Variants in FCHSD2 observed in about 807,000 individuals in gnomAD.
The protein encoded by FCHSD2 is F-BAR and double SH3 domains protein 2.
Under a neutral mutation model 108.1 loss-of-function variants are expected in FCHSD2, and 38 were observed. That is an observed-to-expected ratio of 0.35 (90% CI 0.27 to 0.46). FCHSD2 has a LOEUF of 0.46. FCHSD2 is among the 20% of genes least tolerant of loss of function. FCHSD2 has a pLI of 1.00. For missense variants in FCHSD2, 751 were observed against 897.8 expected, an observed-to-expected ratio of 0.84 and a Z score of 2.09; for synonymous variants, 279 against 314.7, an observed-to-expected ratio of 0.89 and a Z score of 1.20.
At chr11:72,944,685 A>G in intron 8 of FCHSD2, among the ~76,000 whole-genome samples, 1 of 152,224 alleles carries the variant, frequency 6.6e-6, no homozygotes. Flanking sequence ...TTAAGCTGAT[A>G]GGCAACTTCA....
chr11:72,951,579 T>C (rs1357496286), intron 8 of FCHSD2, among the ~76,000 whole-genome samples: 1 of 152,180 alleles, frequency 6.6e-6, no homozygotes, highest in Non-Finnish European at 1.5e-5. Context: ...CATATAGTGC[T>C]TGCCTTTGCT....
Position 72,881,157 on chromosome 11 carries a change from C to T in FCHSD2, c.1146+6313G>A, listed in dbSNP as rs574497396. On this transcript the variant is annotated intron_variant, in intron 12 of 19. Transcript: ENST00000409418. ...AAGGGACTAATATACGGAATATACA[C>T]GGAACTCAAACAACTCAATAGCAAA... is the stretch of plus-strand genomic sequence containing the variant. Among the ~76,000 whole-genome samples, 14 of 152,224 alleles carry T rather than the reference C, an allele frequency of 9.2e-5. No individual in the cohort carries two copies. In the South Asian group the frequency reaches 2.7e-3, roughly 29 times the overall value.
Position 72,838,604 on chromosome 11 carries a change from C to CAA in FCHSD2, c.*185_*186dup, listed in dbSNP as rs113447165. ...GGAGAAATGACATAGAAAATGACAA[C>CAA]AAAAAAAAAAGGCACGAAATATTCA... On this transcript the variant is annotated 3_prime_UTR_variant, in exon 20 of 20. Coordinates refer to ENST00000409418, the MANE Select transcript of FCHSD2 (RefSeq NM_014824.3). The CAA allele has an allele frequency of 8.1e-5, 39 of 482,092 alleles. No individual in the cohort carries two copies. Among genetic ancestry groups the CAA allele is most frequent in the African/African-American group, 3.3e-4 (16 of 48,702 alleles). The allele number at this position is 482,092 out of a possible 1,614,324, so 29.9% of individuals were successfully genotyped here. A position where few individuals can be genotyped will look rare whatever the true frequency, so the allele number is the denominator to read the frequency against.
At chr11:73,115,616 T>G (rs547483419) in intron 2 of FCHSD2, among the ~76,000 whole-genome samples, 6 of 152,342 alleles carry the variant, frequency 3.9e-5, no homozygotes, top group Admixed American at 2.6e-4. Flanking sequence ...AGAAGGCAGA[T>G]AGCTAGACAC....
At chr11:73,084,347 T>C (rs1859765206) in intron 2 of FCHSD2, among the ~76,000 whole-genome samples, 1 of 152,196 alleles carries the variant, frequency 6.6e-6, no homozygotes, top group South Asian at 2.1e-4. Flanking sequence ...ACACTTTCCA[T>C]ACATGTATTA....
chr11:72,969,308 T>C (rs1856967793), intron 8 of FCHSD2, among the ~76,000 whole-genome samples: 1 of 152,232 alleles, frequency 6.6e-6, no homozygotes, highest in African/African-American at 2.4e-5. Context: ...TTCATTTAAT[T>C]TAATTTGGCT....
chr11:73,138,899 C>T (rs913975714), intron 2 of FCHSD2, among the ~76,000 whole-genome samples: 4 of 152,258 alleles, frequency 2.6e-5, no homozygotes, highest in South Asian at 2.1e-4. Context: ...TCAGTGACTG[C>T]GCACGGCCTC....
At chr11:72,893,474 G>A (rs183129175) in intron 10 of FCHSD2, among the ~76,000 whole-genome samples, 39 of 151,880 alleles carry the variant, frequency 2.6e-4, no homozygotes, top group African/African-American at 7.7e-4. Context: ...GCCATCACAC[G>A]CAGATAATTT....
chr11:72,981,638 CTGTTGGTCCTTGTAAG>C (rs1857217610), intron 8 of FCHSD2, among the ~76,000 whole-genome samples: 1 of 152,132 alleles, frequency 6.6e-6, no homozygotes, highest in Admixed American at 6.5e-5. Flanking sequence ...TTCTTTGAAA[CTGTTGGTCCTTGTAAG>C]TCTGAAGCAC....
chr11:72,919,155 T>G (rs1324471475), intron 9 of FCHSD2, among the ~76,000 whole-genome samples: 1 of 152,136 alleles, frequency 6.6e-6, no homozygotes, highest in Admixed American at 6.5e-5. Flanking sequence ...CAAACTTCCC[T>G]TTAGGTTGCT....
intron 5 of FCHSD2, among the ~76,000 whole-genome samples, chr11:72,993,393 G>C (rs1857456914): frequency 6.6e-6 from 1 of 152,124 alleles, no homozygotes; most frequent in South Asian, 2.1e-4. Context: ...ATTTGACCCA[G>C]CCATCCCATT....
chr11:73,088,982 A>G (rs1326972172), intron 2 of FCHSD2, among the ~76,000 whole-genome samples: 1 of 152,232 alleles, frequency 6.6e-6, no homozygotes, highest in African/African-American at 2.4e-5. Flanking sequence ...CTTGATGTGC[A>G]TATCAACTAA....
chr11:73,141,836 G>A (rs1231184438), intron 1 of FCHSD2, 21 bp downstream of exon 1: 56 of 1,542,596 alleles, frequency 3.6e-5, no homozygotes, highest in Non-Finnish European at 4.8e-5. Flanking sequence ...GAACCCCAAA[G>A]CCCCCCAGCT....
intron 3 of FCHSD2, among the ~76,000 whole-genome samples, chr11:73,016,340 C>T (rs1227618683): frequency 6.6e-6 from 1 of 151,114 alleles, no homozygotes; most frequent in Non-Finnish European, 1.5e-5. Context: ...AACCAACCAA[C>T]CAACCAACCA....
chr11:73,061,289 C>T (rs556281855), intron 3 of FCHSD2, among the ~76,000 whole-genome samples: 1 of 152,322 alleles, frequency 6.6e-6, no homozygotes, highest in South Asian at 2.1e-4. Context: ...CTGTGCTTGT[C>T]GCATGGTTTT....
At chr11:73,012,088 T>C (rs1565367346) in intron 4 of FCHSD2, among the ~76,000 whole-genome samples, 2 of 152,202 alleles carry the variant, frequency 1.3e-5, no homozygotes, top group Non-Finnish European at 2.9e-5. Context: ...ACAGAACTTA[T>C]TCACTGCATT....
intron 3 of FCHSD2, among the ~76,000 whole-genome samples, chr11:73,059,754 C>A (rs190758987): frequency 2.8e-3 from 428 of 152,142 alleles, no homozygotes; most frequent in Non-Finnish European, 4.7e-3. Context: ...GCTGTGAACA[C>A]TTCCAGAATT....
intron 3 of FCHSD2, among the ~76,000 whole-genome samples, chr11:73,078,303 ACCACATG>A (rs1859603204): frequency 6.6e-6 from 1 of 152,218 alleles, no homozygotes; most frequent in Non-Finnish European, 1.5e-5. Context: ...AGTAGAACAT[ACCACATG>A]CCCGATGCCC....
chr11:73,099,565 T>C (rs1208539812), intron 2 of FCHSD2, among the ~76,000 whole-genome samples: 1 of 152,228 alleles, frequency 6.6e-6, no homozygotes, highest in Non-Finnish European at 1.5e-5. Context: ...CATCAACTGA[T>C]GAATGGATAA....
Sources: gnomAD v4.1 joint callset for allele counts (sites outside exome capture counted in the v4.1 genomes callset) on GRCh38, gnomAD v4.1.1 for gene constraint, MANE v1.5 for transcripts, NCBI Gene and HGNC (gene_info 2026-07-23, HGNC 2026-07-21) for gene names.